Variants in JUP observed in about 807,000 individuals in gnomAD.
The protein encoded by JUP is catenin (cadherin-associated protein), gamma 80kDa.
A neutral mutation model predicts 71.1 loss-of-function variants in JUP; 28 were observed. That is an observed-to-expected ratio of 0.39 (90% CI 0.29 to 0.54). JUP has a LOEUF of 0.54. Ranked by LOEUF, JUP falls within the 20% of genes least tolerant of loss-of-function variation. JUP has a pLI of 0.62. For synonymous variants in JUP, 401 were observed against 438.9 expected, an observed-to-expected ratio of 0.91 and a Z score of 1.08; for missense variants, 869 against 1,030.1, an observed-to-expected ratio of 0.84 and a Z score of 2.14.
chr17:41,756,794 G>A (rs1183263700), intron 12 of JUP, among the ~76,000 whole-genome samples: 2 of 151,942 alleles, frequency 1.3e-5, no homozygotes, highest in Non-Finnish European at 2.9e-5. Context: ...CAGTTACTCA[G>A]AAGGCTGAGG....
chr17:41,758,031 A>C, intron 10 of JUP: 1 of 564,186 alleles, frequency 1.8e-6, no homozygotes, highest in Non-Finnish European at 3.1e-6. Context: ...CACTGATGTG[A>C]AAGATGTTAG....
At chr17:41,779,665 T>C (rs990501612) in intron 1 of JUP, among the ~76,000 whole-genome samples, 2 of 151,780 alleles carry the variant, frequency 1.3e-5, no homozygotes, top group Admixed American at 1.3e-4. Flanking sequence ...TTACTTTTTT[T>C]ATTTTCTTTC....
At chr17:41,783,285 G>GTTT (rs143614122) in intron 1 of JUP, among the ~76,000 whole-genome samples, 1 of 85,236 alleles carries the variant, frequency 1.2e-5, no homozygotes, top group African/African-American at 3.8e-5. Context: ...AATGATACGC[G>GTTT]TTTTTTTTGT....
chr17:41,767,318 G>A, intron 5 of JUP, 61 bp downstream of exon 5: 2 of 1,425,086 alleles, frequency 1.4e-6, no homozygotes, highest in South Asian at 2.3e-5. Context: ...CCAAGGCTGT[G>A]CAGGATAGAA....
At chr17:41,756,015 C>A in intron 13 of JUP, 120 bp from the exon 14 acceptor site, 1 of 1,376,840 alleles carries the variant, frequency 7.3e-7, no homozygotes, top group Non-Finnish European at 1.0e-6. Flanking sequence ...TGACCCCTCC[C>A]CAGACCCCAC....
chr17:41,771,705 C>A lies in JUP; in HGVS notation c.150G>T (p.Gly50=). The part of the protein sequence containing the change: ...KGIMEEDEAC[G]RQYTLKKTTT... ...TGGTTTTCTTGAGCGTGTACTGGCG[C>A]CCGCAGGCCTCATCCTCCTCCATGA... The change falls in exon 2 of 14, where the codon GGG becomes GGT. Residue 50 remains glycine (G), a synonymous_variant. Transcript: ENST00000393931. The A allele has an allele frequency of 1.2e-6, 2 of 1,614,170 alleles. No homozygotes were observed. The highest frequency in any genetic ancestry group is 2.2e-5 in the South Asian group (2 of 91,092).
At position 41,755,735 on chromosome 17, in the gene JUP, C is replaced by T; in HGVS notation, c.*9G>A. Reference sequence around the variant, plus strand: ...CTGCAAAGAGGGGGCCGTACTGGGGCCAGGCCGCCTAGGCCAGCATGTGGT... The same window carrying T: ...CTGCAAAGAGGGGGCCGTACTGGGGTCAGGCCGCCTAGGCCAGCATGTGGT... On this transcript the variant is annotated 3_prime_UTR_variant, in exon 14 of 14. Coordinates refer to ENST00000393931, the MANE Select transcript of JUP (RefSeq NM_002230.4). 1 of 1,568,330 alleles carries T rather than the reference C, an allele frequency of 6.4e-7. No homozygotes were observed. The highest frequency in any genetic ancestry group is 2.3e-5 in the East Asian group (1 of 43,966).
rs993663140 is a variant in JUP, at chr17:41,755,068, G to C, written c.*676C>G. 4.7e-5 allele frequency: 18 copies of C among 386,802 alleles called. No homozygotes were observed. Among genetic ancestry groups the C allele is most frequent in the African/African-American group, 3.7e-4 (18 of 48,396 alleles). The allele number at this position is 386,802 out of a possible 1,614,324, so 24.0% of individuals were successfully genotyped here. A position where few individuals can be genotyped will look rare whatever the true frequency, so the allele number is the denominator to read the frequency against. On this transcript the variant is annotated 3_prime_UTR_variant, in exon 14 of 14. Coordinates refer to ENST00000393931, the MANE Select transcript of JUP (RefSeq NM_002230.4). ...CTGGAGGCCCTGGGGGCTTAGGGCA[G>C]TTGGTCGGTGGAGTTCAGTGAGAAA...
At chr17:41,758,540 G>A (rs1555599573) in intron 9 of JUP, 22 bp from the exon 10 acceptor site, 2 of 1,603,242 alleles carry the variant, frequency 1.2e-6, no homozygotes, top group Admixed American at 1.7e-5. Context: ...GAGGCAGGGG[G>A]CATGGGACAG....
intron 10 of JUP, 70 bp from the exon 11 acceptor site, chr17:41,757,854 A>C: frequency 7.5e-7 from 1 of 1,328,370 alleles, no homozygotes; most frequent in South Asian, 1.4e-5. Context: ...AACACACCCC[A>C]CAGCACTGCC....
chr17:41,763,641 C>A (rs1915244815), intron 7 of JUP, among the ~76,000 whole-genome samples: 3 of 152,026 alleles, frequency 2.0e-5, no homozygotes. Context: ...CCCTCAGACC[C>A]AGGCAGAACC....
At chr17:41,766,454 C>T (rs1915731080) in intron 5 of JUP, among the ~76,000 whole-genome samples, 1 of 152,052 alleles carries the variant, frequency 6.6e-6, no homozygotes, top group Non-Finnish European at 1.5e-5. Context: ...GGCACAGTGG[C>T]TCACACCTGT....
intron 1 of JUP, among the ~76,000 whole-genome samples, chr17:41,774,948 C>T (rs998388641): frequency 7.9e-5 from 12 of 151,818 alleles, no homozygotes; most frequent in African/African-American, 2.9e-4. Flanking sequence ...TAAAAAAGTA[C>T]AAAAATTAGC....
intron 12 of JUP, 106 bp from the exon 13 acceptor site, chr17:41,756,320 C>G: frequency 8.6e-7 from 1 of 1,161,046 alleles, no homozygotes; most frequent in East Asian, 2.4e-5. Flanking sequence ...GGGGGCCAGG[C>G]TGGGTGCCAT....
chr17:41,776,432 G>T (rs1555608686), intron 1 of JUP, among the ~76,000 whole-genome samples: 1 of 152,246 alleles, frequency 6.6e-6, no homozygotes, highest in Non-Finnish European at 1.5e-5. Context: ...GGAGGCGGAA[G>T]CCAGCTGGCG....
Position 41,771,821 on chromosome 17 carries a change from T to C in JUP, c.34A>G (p.Lys12Glu). Residue 12 changes from lysine (K) to glutamate (E), a missense_variant, in exon 2 of 14, where the codon AAG becomes GAG. By Grantham distance (56) the Lys-to-Glu change is moderately conservative. Coordinates refer to ENST00000393931, the MANE Select transcript of JUP (RefSeq NM_002230.4). The part of the protein sequence containing the change: ...EVMNLMEQPI[K>E]VTEWQQTYTY... ...TATGTCTGCTGCCACTCAGTCACCT[T>C]GATAGGCTGCTCCATCAGGTTCATC... The C allele has an allele frequency of 6.2e-7, 1 of 1,613,810 alleles. No homozygotes were observed. The highest frequency in any genetic ancestry group is 8.5e-7 in the Non-Finnish European group (1 of 1,179,896).
chr17:41,778,423 C>T (rs1459087472), intron 1 of JUP, among the ~76,000 whole-genome samples: 1 of 151,942 alleles, frequency 6.6e-6, no homozygotes, highest in African/African-American at 2.4e-5. Flanking sequence ...AAAAATTAGC[C>T]GGGCGTGGTG....
At chr17:41,767,048 A>AC (rs1555604353) in intron 5 of JUP, among the ~76,000 whole-genome samples, 3 of 139,112 alleles carry the variant, frequency 2.2e-5, no homozygotes, top group Admixed American at 7.1e-5. Context: ...CCCTGTCTCA[A>AC]AAAAAAAAAA....
At chr17:41,776,980 C>T (rs1386679241) in intron 1 of JUP, among the ~76,000 whole-genome samples, 1 of 151,998 alleles carries the variant, frequency 6.6e-6, no homozygotes, top group Non-Finnish European at 1.5e-5. Context: ...GCATTCCAGC[C>T]AGGGATACAG....
Sources: gnomAD v4.1 joint callset for allele counts (sites outside exome capture counted in the v4.1 genomes callset) on GRCh38, gnomAD v4.1.1 for gene constraint, MANE v1.5 for transcripts, NCBI Gene and HGNC (gene_info 2026-07-23, HGNC 2026-07-21) for gene names.